The following DNAH17 variants were observed in gnomAD, a reference collection of about 807,000 sequenced individuals.
DNAH17 encodes the protein axonemal beta dynein heavy chain 17.
A neutral mutation model predicts 485.6 loss-of-function variants in DNAH17; 376 were observed. The observed-to-expected ratio is 0.77, with a 90% CI of 0.71 to 0.84. The LOEUF is 0.84. Among genes scored for constraint, DNAH17 ranks in the 40% least tolerant of loss-of-function variants. The pLI is 0.00. For missense variants in DNAH17, 6,370 were observed against 5,839.3 expected (o/e 1.09, Z -2.96); for synonymous variants, 3,031 against 2,405.9 (o/e 1.26, Z -7.60).
At chr17:78,513,700 T>G (rs1464793729) in intron 26 of DNAH17, among the ~76,000 whole-genome samples, 1 of 152,212 alleles carries the variant, frequency 6.6e-6, no homozygotes, top group Admixed American at 6.5e-5. Flanking sequence ...CCTCCCAAGG[T>G]GCTGGGATTA....
chr17:78,540,217 C>T (rs1024909927), intron 17 of DNAH17, among the ~76,000 whole-genome samples: 2 of 148,858 alleles, frequency 1.3e-5, no homozygotes, highest in African/African-American at 5.0e-5. Context: ...TTTTATTTGT[C>T]TTTGTCTTTG....
chr17:78,475,763 G>C lies in DNAH17; in HGVS notation c.8225C>G (p.Pro2742Arg). ...CATGTCGGTTACAGGAACATATTTG[G>C]GATCGCCAATCCCTTGAGCAAAGTG... is the stretch of plus-strand genomic sequence containing the variant. Reference protein sequence around the residue: ...FCHFAQGIGDPKYVPVTDMAP... With the variant: ...FCHFAQGIGDRKYVPVTDMAP... Residue 2742 changes from proline to arginine, a missense_variant, in exon 53 of 81, where the codon CCC becomes CGC. Pro to Arg is a moderately radical substitution (Grantham distance 103). Transcript: ENST00000389840. 6.2e-7 allele frequency: 1 copy of C among 1,613,910 alleles called. No individual in the cohort carries two copies. Among genetic ancestry groups the C allele is most frequent in the South Asian group, 1.1e-5 (1 of 91,068 alleles).
intron 70 of DNAH17, among the ~76,000 whole-genome samples, chr17:78,445,138 G>A (rs909402509): frequency 6.7e-6 from 1 of 150,194 alleles, no homozygotes; most frequent in Non-Finnish European, 1.5e-5. Context: ...TGAGACTCGA[G>A]GGTCCCTGAC....
intron 30 of DNAH17, among the ~76,000 whole-genome samples, chr17:78,505,794 T>C (rs568901974): frequency 8.4e-4 from 127 of 152,058 alleles, no homozygotes; most frequent in African/African-American, 3.0e-3. Flanking sequence ...GCCTGACCAA[T>C]GTGGAGAAAC....
intron 74 of DNAH17, among the ~76,000 whole-genome samples, chr17:78,436,738 G>A (rs532674325): frequency 6.6e-6 from 1 of 152,104 alleles, no homozygotes; most frequent in South Asian, 2.1e-4. Context: ...CCAGCTACTC[G>A]GGAGTCTGAG....
chr17:78,479,873 T>TG (rs1197928872), intron 49 of DNAH17, among the ~76,000 whole-genome samples: 4 of 152,176 alleles, frequency 2.6e-5, no homozygotes, highest in Non-Finnish European at 5.9e-5. Flanking sequence ...AGGCAAGAGA[T>TG]GGGCTCAGAG....
intron 25 of DNAH17, among the ~76,000 whole-genome samples, chr17:78,523,204 G>C (rs2090978155): frequency 6.6e-6 from 1 of 151,590 alleles, no homozygotes; most frequent in Middle Eastern, 3.2e-3. Context: ...CCCCCAGGCT[G>C]GAGTGTGATG....
chr17:78,444,778 T>A lies in DNAH17; in HGVS notation c.11354A>T (p.Glu3785Val). Residue 3785 changes from glutamate to valine, a missense_variant, in exon 71 of 81, where the codon GAG becomes GTG. Transcript: ENST00000389840. Reference protein sequence around the residue: ...GGIKALSEMDEFKNLDSDIEG... With the variant: ...GGIKALSEMDVFKNLDSDIEG... Reference sequence around the variant, plus strand: ...GATGTCACTGTCCAGATTTTTGAACTCATCCATCTCCGAGAGGGCCTAGGG... The same window carrying A: ...GATGTCACTGTCCAGATTTTTGAACACATCCATCTCCGAGAGGGCCTAGGG... The A allele has an allele frequency of 6.3e-7, 1 of 1,578,350 alleles. No individual in the cohort carries two copies. The highest frequency in any genetic ancestry group is 8.6e-7 in the Non-Finnish European group (1 of 1,165,080).
intron 1 of DNAH17, among the ~76,000 whole-genome samples, chr17:78,576,751 T>A (rs2092438429): frequency 6.6e-6 from 1 of 152,184 alleles, no homozygotes; most frequent in Non-Finnish European, 1.5e-5. Flanking sequence ...TTTCACAAAG[T>A]CATCTTTTCT....
intron 27 of DNAH17, among the ~76,000 whole-genome samples, chr17:78,508,494 T>A (rs1175877675): frequency 6.6e-6 from 1 of 152,216 alleles, no homozygotes; most frequent in African/African-American, 2.4e-5. Flanking sequence ...CACAGAAAAC[T>A]TGGATTTAAA....
At chr17:78,510,612 G>A (rs1318204500) in intron 26 of DNAH17, 106 bp from the exon 27 acceptor site, 1 of 1,480,588 alleles carries the variant, frequency 6.8e-7, no homozygotes, top group Non-Finnish European at 9.3e-7. Flanking sequence ...CACGATCCCG[G>A]GCTGCTGGAG....
At chr17:78,465,440 G>T (rs1598498174) in intron 56 of DNAH17, among the ~76,000 whole-genome samples, 1 of 148,344 alleles carries the variant, frequency 6.7e-6, no homozygotes, top group Non-Finnish European at 1.5e-5. Flanking sequence ...AGTCTGGAAA[G>T]TGAGGAGCGT....
chr17:78,510,603 A>C, intron 26 of DNAH17, 97 bp from the exon 27 acceptor site: 2 of 1,527,310 alleles, frequency 1.3e-6, no homozygotes, highest in East Asian at 4.6e-5. Context: ...TTGCCGGGGC[A>C]CGATCCCGGG....
chr17:78,481,259 T>C (rs540165977), intron 48 of DNAH17, among the ~76,000 whole-genome samples: 2 of 149,580 alleles, frequency 1.3e-5, no homozygotes, highest in Non-Finnish European at 3.0e-5. Flanking sequence ...CCCGCCACCA[T>C]GCCTGGCTAA....
At chr17:78,496,345 A>G (rs1370349197) in intron 37 of DNAH17, among the ~76,000 whole-genome samples, 3 of 131,554 alleles carry the variant, frequency 2.3e-5, no homozygotes, top group Non-Finnish European at 4.8e-5. Flanking sequence ...AAAAAATACA[A>G]AAGACAGTGA....
At chr17:78,495,718 G>A (rs985274782) in intron 38 of DNAH17, among the ~76,000 whole-genome samples, 157 bp downstream of exon 38, 4 of 152,134 alleles carry the variant, frequency 2.6e-5, no homozygotes, top group Non-Finnish European at 4.4e-5. Context: ...CATTACAGAA[G>A]TGAGTTACTG....
At position 78,466,783 on chromosome 17, in the gene DNAH17, G is replaced by A; in HGVS notation, c.8812C>T (p.Leu2938=). 1 of 1,603,318 alleles carries A rather than the reference G, an allele frequency of 6.2e-7. No homozygotes were observed. Residue 2938 remains leucine (L), a synonymous_variant, in exon 56 of 81, where the codon CTG becomes TTG. Coordinates refer to ENST00000389840, the MANE Select transcript of DNAH17 (RefSeq NM_173628.4). ...GGGAACTTTCTGGCTCGTACCCGCA[G>A]CACGGAGCCCACAGGGGAGAAACAC... is the stretch of plus-strand genomic sequence containing the variant. ...ILCFSPVGSV[L]RVRARKFPAV... is the part of the protein sequence containing the mutation.
Position 78,529,514 on chromosome 17 carries a change from G to T in DNAH17, c.3465C>A (p.Thr1155=). 1 of 1,613,932 alleles carries T rather than the reference G, an allele frequency of 6.2e-7. No homozygotes were observed. Among genetic ancestry groups the T allele is most frequent in the Non-Finnish European group, 8.5e-7 (1 of 1,179,892 alleles). The change falls in exon 22 of 81, where the codon ACC becomes ACA. Residue 1155 remains threonine (T), a synonymous_variant. Transcript: ENST00000389840. ...PLKQTIELLK[T]YGEEMPEEIH... ...TCTCCTCTGGCATCTCCTCCCCGTA[G>T]GTCTTGAGCAGCTCGATGGTTTGCT... is the stretch of plus-strand genomic sequence containing the variant.
chr17:78,568,858 A>G (rs1045880118), intron 9 of DNAH17, among the ~76,000 whole-genome samples: 4 of 152,196 alleles, frequency 2.6e-5, no homozygotes, highest in Non-Finnish European at 5.9e-5. Context: ...AGTCCCACTA[A>G]GTGACTGCTG....
Sources: allele counts gnomAD v4.1 joint callset (sites outside exome capture counted in the v4.1 genomes callset), GRCh38; gene constraint gnomAD v4.1.1; transcripts MANE v1.5; gene names NCBI Gene and HGNC (gene_info 2026-07-23, HGNC 2026-07-21).